The following SP110 variants were observed in gnomAD, a reference collection of about 807,000 sequenced individuals.
SP110 encodes interferon-induced protein 41, 30kD.
Under a neutral mutation model 92.7 loss-of-function variants are expected in SP110, and 62 were observed. That is an observed-to-expected ratio of 0.67 (90% CI 0.55 to 0.83). The LOEUF is 0.83. SP110 is among the 40% of genes least tolerant of loss of function. The pLI is 0.00. For missense variants in SP110, 793 were observed against 863.9 expected (o/e 0.92, Z 1.03); for synonymous variants, 273 against 305.3 (o/e 0.89, Z 1.10).
Position 230,215,773 on chromosome 2 carries a change from G to A in SP110, c.148-655C>T, listed in dbSNP as rs115326667. 7.7e-4 allele frequency among the ~76,000 whole-genome samples: 118 copies of A among 152,352 alleles called. 1 individual carries two copies. Among genetic ancestry groups the A allele is most frequent in the African/African-American group, 2.5e-3 (102 of 41,588 alleles). On this transcript the variant is annotated intron_variant, in intron 2 of 18. Transcript: ENST00000258381. ...TGCCTATATTTGGGGGTCAGGGTAG[G>A]CACTGTCAAGTGGAGAAGATGAGCA...
chr2:230,178,051 G>A (rs1408996218), intron 13 of SP110, 106 bp downstream of exon 13: 2 of 759,422 alleles, frequency 2.6e-6, no homozygotes, highest in Admixed American at 2.0e-5. Flanking sequence ...CTGCAGTCTA[G>A]CTAGCAGGGT....
Position 230,171,686 on chromosome 2 carries a change from T to C in SP110, c.1887+10A>G, listed in dbSNP as rs753451316. 2 of 1,606,752 alleles carry C rather than the reference T, an allele frequency of 1.2e-6. No individual in the cohort carries two copies. Among genetic ancestry groups the C allele is most frequent in the South Asian group, 2.2e-5 (2 of 90,964 alleles). On this transcript the variant is annotated intron_variant, in intron 17 of 18. Transcript: ENST00000258381. ...CATTTTATGCAAGAGAACCGTAAAA[T>C]GTGACTTACATTAAATGGGATGCCC...
chr2:230,212,909 AG>A lies in SP110; in HGVS notation c.434del (p.Pro145LeufsTer26), dbSNP rs780731802. ...TPLALPPPQP[P>X]QPSCSPCAPR... ...GCGCACAGGGTGAACAGCTTGGTTG[AG>A]GGGGTTGTGGTGGGGGCAGCGCCAG... On this transcript the variant is annotated frameshift_variant, in exon 4 of 19. Transcript: ENST00000258381. LOFTEE classifies it high-confidence loss of function. The A allele has an allele frequency of 6.2e-7, 1 of 1,613,684 alleles. No individual in the cohort carries two copies. Among genetic ancestry groups the A allele is most frequent in the East Asian group, 2.2e-5 (1 of 44,858 alleles).
chr2:230,201,055 G>A (rs2043136880), intron 9 of SP110, 90 bp from the exon 10 acceptor site: 2 of 999,688 alleles, frequency 2.0e-6, no homozygotes, highest in African/African-American at 1.6e-5. Context: ...ACACTCTGAA[G>A]TTGAGTCTTG....
At chr2:230,178,767 G>A (rs578156358) in intron 12 of SP110, among the ~76,000 whole-genome samples, 3 of 152,272 alleles carry the variant, frequency 2.0e-5, no homozygotes, top group Admixed American at 6.5e-5. Context: ...CTTCCTCGAT[G>A]AATAAAAGAA....
chr2:230,222,821 T>A (rs1392021665), upstream of SP110, among the ~76,000 whole-genome samples: 1 of 151,292 alleles, frequency 6.6e-6, no homozygotes, highest in African/African-American at 2.4e-5. Context: ...CACCACAGAT[T>A]AGTTTCGTGT....
At position 230,172,841 on chromosome 2, in the gene SP110, C is replaced by T. The variant is rs778358013; in HGVS notation, c.1706+3G>A. The T allele has an allele frequency of 5.6e-6, 9 of 1,601,808 alleles. No individual in the cohort carries two copies. The highest frequency in any genetic ancestry group is 1.7e-4 in the Middle Eastern group (1 of 6,034). On this transcript the variant is annotated splice_donor_region_variant and intron_variant, in intron 15 of 18. Transcript: ENST00000258381. ...GCCCGAGGCGGGGCTGCATCCCACTCACCTCTTGGCTTCCACAGGGGGGAT... is the reference window on the plus strand; with the variant it reads ...GCCCGAGGCGGGGCTGCATCCCACTTACCTCTTGGCTTCCACAGGGGGGAT...
At chr2:230,170,533 C>G (rs2078409296) in intron 18 of SP110, 88 bp downstream of exon 18, 2 of 1,485,698 alleles carry the variant, frequency 1.3e-6, no homozygotes, top group East Asian at 4.5e-5. Context: ...CAGGCTGAAA[C>G]TGAGTGTAAT....
chr2:230,185,792 C>A (rs1181078235), intron 11 of SP110, among the ~76,000 whole-genome samples: 1 of 152,166 alleles, frequency 6.6e-6, no homozygotes, highest in African/African-American at 2.4e-5. Flanking sequence ...CATGGCAAAG[C>A]CAAGGTGAAC....
Position 230,211,596 on chromosome 2 carries a change from G to C in SP110, c.668-43C>G, listed in dbSNP as rs140371727. On this transcript the variant is annotated intron_variant, in intron 5 of 18. Transcript: ENST00000258381. This position sits in a 1 kb window ranked among gnomAD's most constrained non-coding sequence, Gnocchi z 4.2. ...AAGTTTTAGATCTCAGGAACAGCAAGCAGGGACCAGAATGAGGAGAAAAGA... is the reference window on the plus strand; with the variant it reads ...AAGTTTTAGATCTCAGGAACAGCAACCAGGGACCAGAATGAGGAGAAAAGA... 2.5e-5 allele frequency: 29 copies of C among 1,154,824 alleles called. No homozygotes were observed. The African/African-American group carries it at 3.6e-4, about 14-fold the overall frequency. The allele number at this position is 1,154,824 out of a possible 1,614,324, so 71.5% of individuals were successfully genotyped here.
intron 10 of SP110, among the ~76,000 whole-genome samples, chr2:230,198,951 C>A (rs891883587): frequency 2.0e-5 from 3 of 151,932 alleles, no homozygotes; most frequent in African/African-American, 7.3e-5. Flanking sequence ...TTGACTTTGC[C>A]ATTTTCTCTT....
chr2:230,225,218 A>G (rs1319205048), intron 1 of SP110, among the ~76,000 whole-genome samples: 2 of 152,138 alleles, frequency 1.3e-5, no homozygotes, highest in Non-Finnish European at 2.9e-5. Flanking sequence ...TTAGAATTGC[A>G]CCTCATTTCT....
chr2:230,195,929 A>C (rs1199510560), intron 10 of SP110, among the ~76,000 whole-genome samples: 1 of 152,172 alleles, frequency 6.6e-6, no homozygotes, highest in African/African-American at 2.4e-5. Flanking sequence ...TAGGAAAATA[A>C]GCAAAAAATA....
chr2:230,216,809 T>A lies in SP110; in HGVS notation c.119A>T (p.Asn40Ile), dbSNP rs1481259921. The A allele has an allele frequency of 6.2e-7, 1 of 1,613,700 alleles. No homozygotes were observed. The highest frequency in any genetic ancestry group is 8.5e-7 in the Non-Finnish European group (1 of 1,179,882). The change falls in exon 2 of 19, where the codon AAC becomes ATC. Residue 40 changes from asparagine to isoleucine, a missense_variant. Transcript: ENST00000258381. Reference sequence around the variant, plus strand: ...GTACATTCTCTTAGTGATGATGGAGTTGTCTAGGAGGCCTTCAAAGAAGGG... The same window carrying A: ...GTACATTCTCTTAGTGATGATGGAGATGTCTAGGAGGCCTTCAAAGAAGGG... ...PFPFFEGLLD[N>I]SIITKRMYME...
At chr2:230,202,131 G>C (rs2043245315) in intron 9 of SP110, among the ~76,000 whole-genome samples, 2 of 151,994 alleles carry the variant, frequency 1.3e-5, no homozygotes, top group Admixed American at 1.3e-4. Context: ...TTTTGTTTTA[G>C]AAAATATATT....
At chr2:230,216,663 C>G in intron 2 of SP110, 118 bp downstream of exon 2, 1 of 1,228,492 alleles carries the variant, frequency 8.1e-7, no homozygotes, top group Non-Finnish European at 1.2e-6. Flanking sequence ...TGATAATGAA[C>G]ATGCCTGGGC....
chr2:230,187,232 T>C (rs1422775053), intron 10 of SP110, among the ~76,000 whole-genome samples: 1 of 152,224 alleles, frequency 6.6e-6, no homozygotes, highest in Non-Finnish European at 1.5e-5. Context: ...GTGGTTTTAA[T>C]CTTCATTTCC....
At chr2:230,181,387 G>C (rs181756812) in intron 12 of SP110, among the ~76,000 whole-genome samples, 17 of 152,340 alleles carry the variant, frequency 1.1e-4, no homozygotes, top group Admixed American at 8.5e-4. Flanking sequence ...GACCTCACGT[G>C]ACTTTCACGC....
intron 14 of SP110, 141 bp downstream of exon 14, chr2:230,177,397 G>A (rs2041913549): frequency 1.2e-5 from 11 of 939,044 alleles, no homozygotes; most frequent in East Asian, 4.8e-5. Context: ...GTCACCCACA[G>A]TTTTTTTTCT....
Sources: gnomAD v4.1 joint callset for allele counts (sites outside exome capture counted in the v4.1 genomes callset) on GRCh38, gnomAD v4.1.1 for gene constraint, Gnocchi (gnomAD v3.1) non-coding constraint, MANE v1.5 for transcripts, NCBI Gene and HGNC (gene_info 2026-07-23, HGNC 2026-07-21) for gene names.